The following FMNL2 variants were observed in gnomAD, a reference collection of about 807,000 sequenced individuals.
The protein encoded by FMNL2 is formin like 2.
FMNL2 carries 51 observed loss-of-function variants against 130.2 expected under a neutral mutation model. That is an observed-to-expected ratio of 0.39 (90% CI 0.31 to 0.49). The LOEUF (loss-of-function observed/expected upper bound fraction) is 0.49. Among genes scored for constraint, FMNL2 ranks in the 20% least tolerant of loss-of-function variants. FMNL2 has a pLI of 0.85. For synonymous variants in FMNL2, 465 were observed against 467.1 expected (o/e 1.00, Z 0.06); for missense variants, 977 against 1,316.2 (o/e 0.74, Z 3.99).
At chr2:152,373,417 T>C (rs1054937865) in intron 1 of FMNL2, among the ~76,000 whole-genome samples, 1 of 152,146 alleles carries the variant, frequency 6.6e-6, no homozygotes, top group Admixed American at 6.5e-5. Context: ...TGAAGCACTT[T>C]AGTTCAATGA....
chr2:152,608,748 T>C (rs551881089), intron 10 of FMNL2, among the ~76,000 whole-genome samples: 28 of 152,134 alleles, frequency 1.8e-4, no homozygotes, highest in African/African-American at 6.7e-4. Context: ...TCTTGTGCCT[T>C]TTTAGGGGAA....
chr2:152,361,182 T>A (rs1284230889), intron 1 of FMNL2, among the ~76,000 whole-genome samples: 3 of 152,218 alleles, frequency 2.0e-5, no homozygotes, highest in South Asian at 2.1e-4. Context: ...TTTTTATTCT[T>A]TGATAACTTC....
chr2:152,514,630 T>C (rs991697050), intron 1 of FMNL2, among the ~76,000 whole-genome samples: 2 of 152,194 alleles, frequency 1.3e-5, no homozygotes, highest in African/African-American at 4.8e-5. Flanking sequence ...CTATTGTTTT[T>C]CCTACATATA....
At chr2:152,614,356 T>C (rs1698833442) in intron 11 of FMNL2, among the ~76,000 whole-genome samples, 1 of 152,264 alleles carries the variant, frequency 6.6e-6, no homozygotes, top group Non-Finnish European at 1.5e-5. Context: ...GAAAGTCATC[T>C]GATGATACTG....
chr2:152,479,179 A>C (rs1023014186), intron 1 of FMNL2, among the ~76,000 whole-genome samples: 5 of 152,060 alleles, frequency 3.3e-5, no homozygotes, highest in African/African-American at 1.2e-4. Context: ...GCTCGAGTTC[A>C]CTGATGTGAT....
At chr2:152,618,540 G>A (rs555881188) in intron 13 of FMNL2, among the ~76,000 whole-genome samples, 1 of 152,268 alleles carries the variant, frequency 6.6e-6, no homozygotes, top group East Asian at 1.9e-4. Flanking sequence ...ACACCCTCAG[G>A]AGATTCCAGA....
At chr2:152,520,595 C>CA (rs35601593) in intron 1 of FMNL2, among the ~76,000 whole-genome samples, 45,193 of 130,206 alleles carry the variant, frequency 0.35, 7,351 homozygotes, top group East Asian at 0.56. Flanking sequence ...AACCCCATCT[C>CA]AAAAAAAAAA....
chr2:152,576,342 A>C (rs930714942), intron 7 of FMNL2, among the ~76,000 whole-genome samples: 3 of 152,192 alleles, frequency 2.0e-5, no homozygotes, highest in Non-Finnish European at 4.4e-5. Context: ...CTTACTTTCC[A>C]GGGAGGGGAG....
intron 1 of FMNL2, among the ~76,000 whole-genome samples, chr2:152,375,283 T>C (rs572504377): frequency 1.3e-5 from 2 of 152,330 alleles, no homozygotes; most frequent in South Asian, 4.1e-4. Flanking sequence ...CTGTCCACCA[T>C]TCCCTGCTGA....
At chr2:152,356,986 A>G (rs905906979) in intron 1 of FMNL2, among the ~76,000 whole-genome samples, 2 of 149,050 alleles carry the variant, frequency 1.3e-5, no homozygotes, top group African/African-American at 4.9e-5. Flanking sequence ...AGTTTAATAT[A>G]TAACGATAAA....
intron 1 of FMNL2, among the ~76,000 whole-genome samples, chr2:152,373,956 A>G (rs761625000): frequency 6.6e-6 from 1 of 152,098 alleles, no homozygotes; most frequent in Non-Finnish European, 1.5e-5. Flanking sequence ...TGTTCTTTGC[A>G]TACAAAACAG....
chr2:152,402,820 A>G (rs943907870), intron 1 of FMNL2, among the ~76,000 whole-genome samples: 1 of 152,194 alleles, frequency 6.6e-6, no homozygotes, highest in Non-Finnish European at 1.5e-5. Context: ...TAATGAGCCA[A>G]TACAGTTACC....
chr2:152,461,333 A>G (rs1689232564), intron 1 of FMNL2, among the ~76,000 whole-genome samples: 1 of 148,654 alleles, frequency 6.7e-6, no homozygotes, highest in Non-Finnish European at 1.5e-5. Context: ...TAATCAATAT[A>G]AAGATTACTA....
chr2:152,574,434 CAAAAAAA>C (rs57776446), intron 6 of FMNL2, among the ~76,000 whole-genome samples: 1 of 106,962 alleles, frequency 9.3e-6, no homozygotes, highest in Non-Finnish European at 1.9e-5. Flanking sequence ...GACTCTGTCT[CAAAAAAA>C]AAAAAAAAAA....
chr2:152,462,070 A>T (rs1038183233), intron 1 of FMNL2, among the ~76,000 whole-genome samples: 3 of 151,946 alleles, frequency 2.0e-5, no homozygotes, highest in Non-Finnish European at 4.4e-5. Flanking sequence ...TAATTTTTAA[A>T]TTTTTTGTAG....
chr2:152,483,489 A>G (rs1309450231), intron 1 of FMNL2, among the ~76,000 whole-genome samples: 3 of 152,194 alleles, frequency 2.0e-5, no homozygotes, highest in Admixed American at 1.3e-4. Flanking sequence ...TTGGCACATA[A>G]CAATGCATGG....
At chr2:152,442,403 C>T (rs1023149191) in intron 1 of FMNL2, among the ~76,000 whole-genome samples, 2 of 152,000 alleles carry the variant, frequency 1.3e-5, no homozygotes, top group African/African-American at 4.8e-5. Flanking sequence ...AGGTGCCTGC[C>T]ACCATGCCCA....
chr2:152,403,786 A>G (rs998054120), intron 1 of FMNL2, among the ~76,000 whole-genome samples: 1 of 152,172 alleles, frequency 6.6e-6, no homozygotes, highest in African/African-American at 2.4e-5. Flanking sequence ...AAATAAATGT[A>G]GGGCCGGGCA....
intron 1 of FMNL2, among the ~76,000 whole-genome samples, chr2:152,343,934 C>G (rs1312169943): frequency 6.6e-6 from 1 of 152,124 alleles, no homozygotes; most frequent in Non-Finnish European, 1.5e-5. Context: ...AGGAGGATCA[C>G]TTGAGGCCAG....
Sources: gnomAD v4.1 joint callset for allele counts (sites outside exome capture counted in the v4.1 genomes callset) on GRCh38, gnomAD v4.1.1 for gene constraint, MANE v1.5 for transcripts, NCBI Gene and HGNC (gene_info 2026-07-23, HGNC 2026-07-21) for gene names.